GABRG3: variants seen among roughly 807,000 people sequenced by gnomAD.
The protein encoded by GABRG3 is gamma-aminobutyric acid type A receptor subunit gamma3.
GABRG3 carries 25 observed loss-of-function variants against 48.8 expected under a neutral mutation model. That is an observed-to-expected ratio of 0.51 (90% CI 0.37 to 0.72). GABRG3 has a LOEUF of 0.72. Ranked by LOEUF, GABRG3 falls within the 30% of genes least tolerant of loss-of-function variation. The pLI, the probability that GABRG3 is intolerant of heterozygous loss-of-function variation, is 0.00. For synonymous variants in GABRG3, 227 were observed against 217.6 expected (o/e 1.04, Z -0.38); for missense variants, 394 against 577.9 (o/e 0.68, Z 3.26).
chr15:27,224,775 A>G (rs897174), intron 3 of GABRG3, among the ~76,000 whole-genome samples: 45,740 of 152,218 alleles, frequency 0.3, 9,463 homozygotes, highest in African/African-American at 0.57. Flanking sequence ...TGCTGTGCAT[A>G]TAGGATAACG....
chr15:27,072,176 GA>G (rs895101481), intron 3 of GABRG3, among the ~76,000 whole-genome samples: 9 of 152,104 alleles, frequency 5.9e-5, no homozygotes, highest in African/African-American at 2.2e-4. Context: ...CTCTCCTTGT[GA>G]GTCTTCTCAT....
rs146562439 is a variant in GABRG3, at chr15:27,055,076, A to G, written c.270+28255A>G. On this transcript the variant is annotated intron_variant, in intron 3 of 9. Coordinates refer to ENST00000615808, the MANE Select transcript of GABRG3 (RefSeq NM_033223.5). Reference sequence around the variant, plus strand: ...GTCTTTACATTCTTAAAGGATTGTGAAAAACAGCAGCAGCAGCAACAACAA... The same window carrying G: ...GTCTTTACATTCTTAAAGGATTGTGGAAAACAGCAGCAGCAGCAACAACAA... Among the ~76,000 whole-genome samples the G allele has an allele frequency of 2.6e-3, 389 of 151,618 alleles. 1 individual carries two copies. The highest frequency in any genetic ancestry group is 8.9e-3 in the African/African-American group (366 of 41,294).
At chr15:27,088,245 C>CGGGGGCGGGCGCGGGGGCGGGCGCG (rs1168785506) in intron 3 of GABRG3, among the ~76,000 whole-genome samples, 1 of 107,876 alleles carries the variant, frequency 9.3e-6, no homozygotes, top group African/African-American at 3.7e-5. Context: ...TGGGAGTGCT[C>CGGGGGCGGGCGCGGGGGCGGGCGCG]GGGGCGGGCG....
intron 5 of GABRG3, among the ~76,000 whole-genome samples, chr15:27,346,682 T>A (rs1322287280): frequency 6.6e-6 from 1 of 152,214 alleles, no homozygotes; most frequent in Non-Finnish European, 1.5e-5. Flanking sequence ...GACCTATTTT[T>A]ATGCTCAATG....
At chr15:27,412,273 A>G (rs1012490990) in intron 5 of GABRG3, among the ~76,000 whole-genome samples, 3 of 152,148 alleles carry the variant, frequency 2.0e-5, no homozygotes, top group South Asian at 4.1e-4. Flanking sequence ...GGACACTGAT[A>G]GAGTCAAGAC....
At chr15:27,131,510 C>G (rs1444862491) in intron 3 of GABRG3, among the ~76,000 whole-genome samples, 3 of 151,942 alleles carry the variant, frequency 2.0e-5, no homozygotes, top group East Asian at 1.9e-4. Context: ...CTTAGAGTGT[C>G]TTTGTTTGGT....
chr15:27,329,902 A>G (rs1445682712), intron 5 of GABRG3, among the ~76,000 whole-genome samples: 5 of 152,256 alleles, frequency 3.3e-5, no homozygotes, highest in Non-Finnish European at 7.3e-5. Context: ...ACAAGTACTT[A>G]TGTATGACTC....
chr15:27,512,312 G>T (rs1890915665), intron 6 of GABRG3, among the ~76,000 whole-genome samples: 3 of 152,114 alleles, frequency 2.0e-5, no homozygotes, highest in Admixed American at 1.3e-4. Flanking sequence ...ATCTGAGCAT[G>T]TTTAATGCAT....
At chr15:27,508,955 C>G (rs939356866) in intron 6 of GABRG3, among the ~76,000 whole-genome samples, 44 of 152,020 alleles carry the variant, frequency 2.9e-4, no homozygotes, top group Admixed American at 2.2e-3. Context: ...TCCTGACCTC[C>G]TGATCCGCCC....
At chr15:27,483,313 G>A (rs1249072344) in intron 6 of GABRG3, 1 of 152,200 alleles carries the variant, frequency 6.6e-6, no homozygotes, top group Admixed American at 6.5e-5. Context: ...CAAATTCAAG[G>A]AAGTGAATTC....
intron 3 of GABRG3, among the ~76,000 whole-genome samples, chr15:27,248,831 G>GAGAA (rs3068397): frequency 0.24 from 29,332 of 122,158 alleles, 3,669 homozygotes; most frequent in Non-Finnish European, 0.28. Flanking sequence ...GAGAGAGAGA[G>GAGAA]AGAGACAGAG....
chr15:27,251,184 CTT>C (rs985059193), intron 3 of GABRG3, among the ~76,000 whole-genome samples: 1 of 152,196 alleles, frequency 6.6e-6, no homozygotes, highest in Non-Finnish European at 1.5e-5. Flanking sequence ...GAGAGAATGT[CTT>C]TCCTCGGCCC....
At chr15:27,137,283 G>A (rs1265690447) in intron 3 of GABRG3, among the ~76,000 whole-genome samples, 5 of 152,066 alleles carry the variant, frequency 3.3e-5, no homozygotes, top group South Asian at 2.1e-4. Flanking sequence ...CTACAGATTC[G>A]TCCCTACCAC....
intron 5 of GABRG3, among the ~76,000 whole-genome samples, chr15:27,414,001 CT>C (rs1345086039): frequency 1.3e-5 from 2 of 152,090 alleles, no homozygotes; most frequent in Non-Finnish European, 2.9e-5. Context: ...GGTGGAGTTC[CT>C]TAGAGATGTT....
chr15:27,000,107 A>G (rs1456101511), intron 2 of GABRG3, among the ~76,000 whole-genome samples: 3 of 152,162 alleles, frequency 2.0e-5, no homozygotes, highest in African/African-American at 4.8e-5. Context: ...ATCTAATTCT[A>G]GCATTTGTAT....
chr15:27,462,108 C>T (rs756179915), intron 5 of GABRG3, among the ~76,000 whole-genome samples: 1 of 152,038 alleles, frequency 6.6e-6, no homozygotes, highest in African/African-American at 2.4e-5. Context: ...CCTTGCTCAC[C>T]GTCTTTGATG....
rs142824349 is a variant in GABRG3, at chr15:27,248,433, G to T, written c.271-78376G>T. On this transcript the variant is annotated intron_variant, in intron 3 of 9. Transcript: ENST00000615808. ...CTCCCACTAGTCCTGTGGCTACATG[G>T]TCAGAGCTGAGTATACCATGTACAA... Among the ~76,000 whole-genome samples, 587 of 152,264 alleles carry T rather than the reference G, an allele frequency of 3.9e-3. 8 individuals are homozygous for T. The highest frequency in any genetic ancestry group is 0.013 in the African/African-American group (546 of 41,542).
At chr15:27,416,981 A>C (rs550868470) in intron 5 of GABRG3, among the ~76,000 whole-genome samples, 1 of 152,258 alleles carries the variant, frequency 6.6e-6, no homozygotes. Flanking sequence ...TGTTCAATGA[A>C]GGGTGGCTGT....
rs560084551 is a variant in GABRG3, at chr15:27,389,541, A to G, written c.574+60653A>G. Among the ~76,000 whole-genome samples, 10 of 152,296 alleles carry G rather than the reference A, an allele frequency of 6.6e-5. No homozygotes were observed. The South Asian group carries it at 2.1e-3, about 32-fold the overall frequency. On this transcript the variant is annotated intron_variant, in intron 5 of 9. Coordinates refer to ENST00000615808, the MANE Select transcript of GABRG3 (RefSeq NM_033223.5). The stretch of plus-strand genomic sequence containing the variant: ...TGTTGGAGTGTGTGTAGTCCTCAGA[A>G]AAATGGTGTTCACTGCCAACACATC...
Sources: allele counts gnomAD v4.1 joint callset (sites outside exome capture counted in the v4.1 genomes callset), GRCh38; gene constraint gnomAD v4.1.1; transcripts MANE v1.5; gene names NCBI Gene and HGNC (gene_info 2026-07-23, HGNC 2026-07-21).